The following SCHIP1 variants were observed in gnomAD, a reference collection of about 807,000 sequenced individuals.
SCHIP1 encodes schwannomin-interacting protein 1.
SCHIP1 carries 8 observed loss-of-function variants against 29.7 expected under a neutral mutation model. The ratio of observed to expected loss-of-function variants is 0.27; its 90% CI spans 0.16 to 0.49. SCHIP1 has a LOEUF of 0.49. SCHIP1 is among the 20% of genes least tolerant of loss of function. The pLI is 0.99. For missense variants in SCHIP1, 193 were observed against 294.6 expected, an observed-to-expected ratio of 0.66 and a Z score of 2.52; for synonymous variants, 76 against 94.9, an observed-to-expected ratio of 0.80 and a Z score of 1.16.
chr3:159,888,541 T>C, intron 4 of SCHIP1: 1 of 307,366 alleles, frequency 3.3e-6, no homozygotes. Context: ...TGTTCCTTGA[T>C]AATTCATTTG....
the SCHIP1 span, among the ~76,000 whole-genome samples, chr3:159,338,356 G>A: frequency 5.3e-5 from 8 of 152,234 alleles, no homozygotes; most frequent in African/African-American, 7.2e-5. Context: ...TTGTGTTGCC[G>A]GCAGAGGAAA....
the SCHIP1 span, among the ~76,000 whole-genome samples, chr3:159,815,317 G>T: frequency 6.6e-6 from 1 of 152,128 alleles, no homozygotes; most frequent in Non-Finnish European, 1.5e-5. Flanking sequence ...TTACCTCAAG[G>T]ATACCTCCAA....
At chr3:159,423,868 G>A in the SCHIP1 span, among the ~76,000 whole-genome samples, 1 of 152,072 alleles carries the variant, frequency 6.6e-6, no homozygotes. Flanking sequence ...AAAACTTTCA[G>A]AGGAACGATC....
chr3:159,293,297 C>G, the SCHIP1 span, among the ~76,000 whole-genome samples: 2 of 152,272 alleles, frequency 1.3e-5, no homozygotes, highest in East Asian at 3.9e-4. Context: ...CAGCCATGTT[C>G]CCATGTGGAT....
chr3:159,539,003 A>C, the SCHIP1 span, among the ~76,000 whole-genome samples: 2 of 152,064 alleles, frequency 1.3e-5, no homozygotes, highest in Non-Finnish European at 2.9e-5. Context: ...GGATGGTTAT[A>C]TAAGTGGATG....
intron 2 of SCHIP1, among the ~76,000 whole-genome samples, chr3:159,876,175 A>T (rs536883036): frequency 6.6e-6 from 1 of 152,344 alleles, no homozygotes; most frequent in East Asian, 1.9e-4. Context: ...GTCACCAGAG[A>T]CAATCACTGT....
the SCHIP1 span, among the ~76,000 whole-genome samples, chr3:159,625,224 C>T: frequency 6.6e-6 from 1 of 152,166 alleles, no homozygotes; most frequent in African/African-American, 2.4e-5. Flanking sequence ...TATGGCCTCA[C>T]TTTGAATCTC....
the SCHIP1 span, among the ~76,000 whole-genome samples, chr3:159,701,045 G>T: frequency 2.6e-5 from 4 of 152,036 alleles, no homozygotes; most frequent in African/African-American, 7.3e-5. Flanking sequence ...TATCTGATAG[G>T]GATGTTATGC....
At chr3:159,469,256 T>C in the SCHIP1 span, among the ~76,000 whole-genome samples, 1 of 152,202 alleles carries the variant, frequency 6.6e-6, no homozygotes, top group Non-Finnish European at 1.5e-5. Flanking sequence ...GTGAAAGAGG[T>C]GAATTTTAAA....
chr3:159,437,849 G>A, the SCHIP1 span, among the ~76,000 whole-genome samples: 1 of 152,126 alleles, frequency 6.6e-6, no homozygotes, highest in Non-Finnish European at 1.5e-5. Flanking sequence ...AAAGATACTA[G>A]TAAGAAGTAA....
the SCHIP1 span, among the ~76,000 whole-genome samples, chr3:159,425,669 A>C: frequency 6.6e-6 from 1 of 152,194 alleles, no homozygotes. Flanking sequence ...CAGGAATTGA[A>C]CTCAGCTCTG....
At chr3:159,508,556 T>C in the SCHIP1 span, among the ~76,000 whole-genome samples, 1 of 152,216 alleles carries the variant, frequency 6.6e-6, no homozygotes. Flanking sequence ...TTAATTGTGA[T>C]GTTAGGGTGT....
At chr3:159,579,350 G>A in the SCHIP1 span, among the ~76,000 whole-genome samples, 2 of 152,160 alleles carry the variant, frequency 1.3e-5, no homozygotes, top group Non-Finnish European at 2.9e-5. Flanking sequence ...GATAAAGTCT[G>A]GGCAGAAGAG....
At chr3:159,608,671 A>T in the SCHIP1 span, among the ~76,000 whole-genome samples, 1 of 152,212 alleles carries the variant, frequency 6.6e-6, no homozygotes, top group Non-Finnish European at 1.5e-5. Flanking sequence ...CTCTACAAAG[A>T]AAGTTTGGAG....
the SCHIP1 span, among the ~76,000 whole-genome samples, chr3:159,816,949 G>A: frequency 8.6e-5 from 13 of 152,032 alleles, no homozygotes; most frequent in South Asian, 4.2e-4. Flanking sequence ...CTGACCCCCC[G>A]GCTTGATTAG....
the SCHIP1 span, among the ~76,000 whole-genome samples, chr3:159,427,120 A>G: frequency 6.6e-6 from 1 of 152,206 alleles, no homozygotes; most frequent in Non-Finnish European, 1.5e-5. Context: ...AACTGGAAGC[A>G]TTCCCTTTGA....
upstream of SCHIP1, among the ~76,000 whole-genome samples, chr3:159,836,904 AAC>A (rs1743716359): frequency 6.6e-6 from 1 of 152,238 alleles, no homozygotes; most frequent in Non-Finnish European, 1.5e-5. Flanking sequence ...TTCAAATTAT[AAC>A]ACAAAGTTGT....
the SCHIP1 span, among the ~76,000 whole-genome samples, chr3:159,356,816 C>G: frequency 6.6e-6 from 1 of 152,164 alleles, no homozygotes; most frequent in Non-Finnish European, 1.5e-5. Context: ...ACAGATAGAA[C>G]AGAGCTTTCA....
At chr3:159,304,227 A>G in the SCHIP1 span, among the ~76,000 whole-genome samples, 2 of 152,006 alleles carry the variant, frequency 1.3e-5, no homozygotes, top group Non-Finnish European at 1.5e-5. Flanking sequence ...ATTTATTACT[A>G]TAAGTATTTT....
Sources: gnomAD v4.1 joint callset for allele counts (sites outside exome capture counted in the v4.1 genomes callset) on GRCh38, gnomAD v4.1.1 for gene constraint, MANE v1.5 for transcripts, NCBI Gene and HGNC (gene_info 2026-07-23, HGNC 2026-07-21) for gene names.